The following RANBP2 variants were observed in gnomAD, a reference collection of about 807,000 sequenced individuals.
The protein encoded by RANBP2 is RAN binding protein 2, also known as E3 SUMO-protein ligase RanBP2.
A neutral mutation model predicts 303.6 loss-of-function variants in RANBP2; 57 were observed. The ratio of observed to expected loss-of-function variants is 0.19; its 90% CI spans 0.15 to 0.23. RANBP2 has a LOEUF of 0.23. RANBP2 is among the 10% of genes least tolerant of loss of function. The pLI is 1.00. For synonymous variants in RANBP2, 1,167 were observed against 1,301.5 expected (o/e 0.90, Z 2.23); for missense variants, 3,138 against 3,780.8 (o/e 0.83, Z 4.46).
the RANBP2 span, among the ~76,000 whole-genome samples, chr2:108,872,445 T>C: frequency 8.4e-4 from 128 of 152,354 alleles, no homozygotes; most frequent in African/African-American, 2.8e-3. Context: ...TACATAGTTA[T>C]ATGCAAAAGG....
the RANBP2 span, among the ~76,000 whole-genome samples, chr2:109,361,958 C>T: frequency 5.6e-4 from 85 of 152,082 alleles, no homozygotes; most frequent in African/African-American, 1.9e-3. Context: ...TTTGTGTCCT[C>T]TGTTTTTCTT....
the RANBP2 span, chr2:108,929,445 A>G: frequency 6.5e-7 from 1 of 1,543,504 alleles, no homozygotes; most frequent in Non-Finnish European, 9.0e-7. Context: ...GACTCGGCCC[A>G]CAGTCCTTGG....
At chr2:109,657,839 C>A in the RANBP2 span, among the ~76,000 whole-genome samples, 2 of 150,468 alleles carry the variant, frequency 1.3e-5, no homozygotes, top group Non-Finnish European at 3.0e-5. Flanking sequence ...CGTGCCTCAG[C>A]CTTCTCAGTA....
chr2:109,449,467 T>G, the RANBP2 span: 5 of 1,613,830 alleles, frequency 3.1e-6, no homozygotes, highest in Non-Finnish European at 4.2e-6. Context: ...GGATGCAAAC[T>G]AGACGAGAAG....
chr2:109,183,891 G>T, the RANBP2 span, among the ~76,000 whole-genome samples: 1 of 152,186 alleles, frequency 6.6e-6, no homozygotes. Flanking sequence ...CAAGGAAAGT[G>T]GGCTCTAGAA....
At chr2:109,218,380 C>T in the RANBP2 span, among the ~76,000 whole-genome samples, 1 of 152,156 alleles carries the variant, frequency 6.6e-6, no homozygotes, top group Non-Finnish European at 1.5e-5. Context: ...TTCTGAGTTG[C>T]TGGATGAAAT....
At chr2:108,875,959 C>T in the RANBP2 span, 2 of 574,194 alleles carry the variant, frequency 3.5e-6, no homozygotes, top group Non-Finnish European at 6.0e-6. Context: ...TTTTAGTTGC[C>T]TATTTTCTCC....
At chr2:109,506,290 T>G in the RANBP2 span, among the ~76,000 whole-genome samples, 1 of 152,192 alleles carries the variant, frequency 6.6e-6, no homozygotes, top group African/African-American at 2.4e-5. Flanking sequence ...GGAGGGGCGT[T>G]GAGTCTTCTT....
the RANBP2 span, among the ~76,000 whole-genome samples, chr2:109,679,764 G>C: frequency 2.0e-5 from 3 of 152,208 alleles, no homozygotes; most frequent in South Asian, 2.1e-4. Context: ...CAAACAGAAT[G>C]CAAGGGAGGA....
At chr2:109,537,518 C>T in the RANBP2 span, among the ~76,000 whole-genome samples, 1 of 151,940 alleles carries the variant, frequency 6.6e-6, no homozygotes, top group Non-Finnish European at 1.5e-5. Flanking sequence ...AATGTCCTTA[C>T]CAGGCTTTGA....
At chr2:109,766,075 G>A in the RANBP2 span, among the ~76,000 whole-genome samples, 1 of 150,210 alleles carries the variant, frequency 6.7e-6, no homozygotes, top group Non-Finnish European at 1.5e-5. Context: ...GAGCTGATTG[G>A]TAGACAGCAG....
chr2:108,894,133 T>A, the RANBP2 span, among the ~76,000 whole-genome samples: 1 of 152,148 alleles, frequency 6.6e-6, no homozygotes, highest in Non-Finnish European at 1.5e-5. Context: ...CGAGCTATGA[T>A]AATAAATGAC....
At chr2:109,614,633 GCGCGCC>G in the RANBP2 span, 12 of 1,465,864 alleles carry the variant, frequency 8.2e-6, no homozygotes, top group African/African-American at 1.2e-4. Flanking sequence ...AACCGGAGCA[GCGCGCC>G]CGCGCCCGCG....
At chr2:108,760,721 C>T (rs1338246850) in intron 18 of RANBP2, among the ~76,000 whole-genome samples, 12 of 152,094 alleles carry the variant, frequency 7.9e-5, no homozygotes, top group Non-Finnish European at 1.6e-4. Flanking sequence ...GTGGGTACCT[C>T]CCAGTTGTTT....
the RANBP2 span, among the ~76,000 whole-genome samples, chr2:109,572,609 C>CA: frequency 9.0e-6 from 1 of 111,202 alleles, no homozygotes; most frequent in African/African-American, 3.8e-5. Flanking sequence ...TTTAAAACAA[C>CA]TTTTTTTTTT....
chr2:109,221,902 A>C, the RANBP2 span, among the ~76,000 whole-genome samples: 2 of 151,970 alleles, frequency 1.3e-5, no homozygotes, highest in Non-Finnish European at 2.9e-5. Flanking sequence ...GGATACCTGC[A>C]CCCCTGCATT....
At chr2:109,155,054 T>C in the RANBP2 span, among the ~76,000 whole-genome samples, 1 of 152,216 alleles carries the variant, frequency 6.6e-6, no homozygotes, top group Non-Finnish European at 1.5e-5. Context: ...GGTGTGCTCA[T>C]GGAAGCTGGG....
At chr2:109,041,558 T>C in the RANBP2 span, among the ~76,000 whole-genome samples, 13 of 150,292 alleles carry the variant, frequency 8.6e-5, no homozygotes, top group East Asian at 2.5e-3. Flanking sequence ...AGTCTCACTC[T>C]GTCACCCAGG....
the RANBP2 span, among the ~76,000 whole-genome samples, chr2:109,563,657 T>C: frequency 6.6e-6 from 1 of 152,144 alleles, no homozygotes; most frequent in East Asian, 1.9e-4. Context: ...CAAGGAAGGG[T>C]TCAGATTCTA....
Sources: gnomAD v4.1 joint callset for allele counts (sites outside exome capture counted in the v4.1 genomes callset) on GRCh38, gnomAD v4.1.1 for gene constraint, MANE v1.5 for transcripts, NCBI Gene and HGNC (gene_info 2026-07-23, HGNC 2026-07-21) for gene names.